MTMR12: variants seen among roughly 807,000 people sequenced by gnomAD.
MTMR12 encodes the protein myotubularin-related protein 12.
MTMR12 carries 33 observed loss-of-function variants against 96.7 expected under a neutral mutation model. That is an observed-to-expected ratio of 0.34 (90% CI 0.26 to 0.46). The LOEUF (loss-of-function observed/expected upper bound fraction) is 0.46. Among genes scored for constraint, MTMR12 ranks in the 20% least tolerant of loss-of-function variants. MTMR12 has a pLI of 1.00. For missense variants in MTMR12, 721 were observed against 896.1 expected (o/e 0.80, Z 2.49); for synonymous variants, 298 against 327.2 (o/e 0.91, Z 0.96).
At chr5:32,310,458 A>G (rs1024821144) in intron 1 of MTMR12, among the ~76,000 whole-genome samples, 6 of 152,258 alleles carry the variant, frequency 3.9e-5, no homozygotes, top group Non-Finnish European at 7.3e-5. Flanking sequence ...ACACACGAGT[A>G]CTATTCAGCC....
chr5:32,264,492 G>A lies in MTMR12; in HGVS notation c.584-1250C>T, dbSNP rs976710041. Among the ~76,000 whole-genome samples the A allele has an allele frequency of 1.3e-4, 19 of 149,304 alleles. No individual in the cohort carries two copies. The East Asian group carries it at 1.8e-3, about 14-fold the overall frequency. On this transcript the variant is annotated intron_variant, in intron 6 of 15. Transcript: ENST00000382142. ...TTTTTTTTTTTTGAGACGGAGTCTC[G>A]CTCTTTCGCCCAGGCTGGAGTGCAG...
chr5:32,237,695 A>G (rs961230132), intron 13 of MTMR12, among the ~76,000 whole-genome samples: 1 of 151,862 alleles, frequency 6.6e-6, no homozygotes, highest in Non-Finnish European at 1.5e-5. Flanking sequence ...TATTTTTAGT[A>G]GAGACGGGGT....
intron 1 of MTMR12, among the ~76,000 whole-genome samples, chr5:32,310,786 T>C (rs1413105621): frequency 1.3e-5 from 2 of 152,170 alleles, no homozygotes; most frequent in Non-Finnish European, 2.9e-5. Flanking sequence ...AAGAGTATAA[T>C]TGGATAGTGT....
chr5:32,286,591 T>A (rs1469191800), intron 1 of MTMR12, among the ~76,000 whole-genome samples: 1 of 152,124 alleles, frequency 6.6e-6, no homozygotes, highest in Non-Finnish European at 1.5e-5. Flanking sequence ...TACTAAGTAA[T>A]GAGTGCTGTA....
intron 1 of MTMR12, among the ~76,000 whole-genome samples, chr5:32,288,715 G>C (rs1359522565): frequency 6.6e-6 from 1 of 152,160 alleles, no homozygotes; most frequent in Admixed American, 6.5e-5. Flanking sequence ...AGCTCGGGGA[G>C]TTAAAAAAGG....
At chr5:32,271,941 T>C (rs371480179) in intron 3 of MTMR12, 36 bp from the exon 4 acceptor site, 2 of 1,254,372 alleles carry the variant, frequency 1.6e-6, no homozygotes, top group Non-Finnish European at 2.2e-6. Context: ...GTGACTCCTC[T>C]GCATACTGTT....
At chr5:32,255,164 C>A (rs1026765104) in intron 8 of MTMR12, among the ~76,000 whole-genome samples, 1 of 152,184 alleles carries the variant, frequency 6.6e-6, no homozygotes, top group African/African-American at 2.4e-5. Flanking sequence ...TTACTAAATA[C>A]CCTGCAGGCC....
chr5:32,263,381 T>A (rs1581613010), intron 6 of MTMR12, 139 bp from the exon 7 acceptor site: 1 of 1,005,760 alleles, frequency 9.9e-7, no homozygotes, highest in East Asian at 2.6e-5. Flanking sequence ...GATTGCTTAA[T>A]CCTAACCTTG....
chr5:32,230,774 C>T (rs1747964427), intron 15 of MTMR12, among the ~76,000 whole-genome samples: 1 of 152,242 alleles, frequency 6.6e-6, no homozygotes. Flanking sequence ...TCTTTGAGAA[C>T]TTTAAGGCTG....
chr5:32,239,955 C>T (rs1408389292), intron 12 of MTMR12, among the ~76,000 whole-genome samples: 2 of 152,160 alleles, frequency 1.3e-5, no homozygotes, highest in African/African-American at 2.4e-5. Flanking sequence ...TATCTTTATC[C>T]GTGCATTTGT....
intron 7 of MTMR12, among the ~76,000 whole-genome samples, chr5:32,256,142 G>C (rs952359547): frequency 6.6e-6 from 1 of 152,164 alleles, no homozygotes; most frequent in Non-Finnish European, 1.5e-5. Context: ...CACCTGTGTT[G>C]TTTTCAGTTA....
chr5:32,288,306 C>T (rs1750619978), intron 1 of MTMR12, among the ~76,000 whole-genome samples: 1 of 152,124 alleles, frequency 6.6e-6, no homozygotes, highest in Admixed American at 6.6e-5. Context: ...GGCAACATCC[C>T]CTCCCTAACC....
At chr5:32,238,761 G>T (rs553254566) in intron 13 of MTMR12, among the ~76,000 whole-genome samples, 2 of 152,138 alleles carry the variant, frequency 1.3e-5, no homozygotes, top group East Asian at 3.9e-4. Flanking sequence ...TACACCCTTG[G>T]TGTACACAAT....
At chr5:32,298,269 A>G (rs1360929138) in intron 1 of MTMR12, among the ~76,000 whole-genome samples, 1 of 152,222 alleles carries the variant, frequency 6.6e-6, no homozygotes. Context: ...ATGGAAACAC[A>G]GACGGATCAC....
Position 32,271,864 on chromosome 5 carries a change from A to G in MTMR12, c.327T>C (p.Ile109=). ...FKNKVIGEND[I]TLHCVDQIYG... ...AAATCTGATCAACACAGTGGAGTGT[A>G]ATGTCATTTTCTCCTATAACCTTAT... The change falls in exon 4 of 16, where the codon ATT becomes ATC. Residue 109 remains isoleucine (I), a synonymous_variant. Transcript: ENST00000382142. 6.3e-7 allele frequency: 1 copy of G among 1,586,498 alleles called. No homozygotes were observed.
At chr5:32,236,069 CATA>C (rs1485584065) in intron 13 of MTMR12, among the ~76,000 whole-genome samples, 1 of 152,154 alleles carries the variant, frequency 6.6e-6, no homozygotes, top group Non-Finnish European at 1.5e-5. Flanking sequence ...TCATTTTATG[CATA>C]ATATCATTAA....
chr5:32,247,181 C>T (rs571267237), intron 10 of MTMR12, among the ~76,000 whole-genome samples: 48 of 152,212 alleles, frequency 3.2e-4, no homozygotes, highest in Admixed American at 6.5e-4. Flanking sequence ...GGGACTCTGT[C>T]TCTACAAAAA....
intron 1 of MTMR12, among the ~76,000 whole-genome samples, chr5:32,297,706 T>C (rs1466459923): frequency 1.3e-5 from 2 of 152,230 alleles, no homozygotes; most frequent in African/African-American, 4.8e-5. Context: ...AGGCATTCAC[T>C]AGGCCTTTAA....
At chr5:32,305,834 C>T (rs1452977970) in intron 1 of MTMR12, among the ~76,000 whole-genome samples, 2 of 150,716 alleles carry the variant, frequency 1.3e-5, no homozygotes, top group Non-Finnish European at 2.9e-5. Context: ...ACCCGGGAGG[C>T]GGAGGCTGTG....
Sources: allele counts gnomAD v4.1 joint callset (sites outside exome capture counted in the v4.1 genomes callset), GRCh38; gene constraint gnomAD v4.1.1; transcripts MANE v1.5; gene names NCBI Gene and HGNC (gene_info 2026-07-23, HGNC 2026-07-21).